The following TRPM2 variants were observed in gnomAD, a reference collection of about 807,000 sequenced individuals.
The protein encoded by TRPM2 is estrogen-responsive element-associated gene 1 protein.
Under a neutral mutation model 174.0 loss-of-function variants are expected in TRPM2, and 161 were observed. The ratio of observed to expected loss-of-function variants is 0.93; its 90% CI spans 0.81 to 1.05. The LOEUF (loss-of-function observed/expected upper bound fraction) is 1.05. Among genes scored for constraint, TRPM2 ranks in the 50% least tolerant of loss-of-function variants. TRPM2 has a pLI of 0.00. For missense variants in TRPM2, 2,057 were observed against 2,038.0 expected (o/e 1.01, Z -0.18); for synonymous variants, 954 against 861.3 (o/e 1.11, Z -1.88).
chr21:44,387,424 T>G (rs1441294379), intron 9 of TRPM2, among the ~76,000 whole-genome samples: 1 of 152,184 alleles, frequency 6.6e-6, no homozygotes, highest in African/African-American at 2.4e-5. Flanking sequence ...CAAGGACTTC[T>G]GAATATAAGA....
intron 22 of TRPM2, among the ~76,000 whole-genome samples, chr21:44,420,128 C>T (rs201290477): frequency 6.6e-6 from 1 of 152,238 alleles, no homozygotes; most frequent in East Asian, 1.9e-4. Context: ...TGAGTCTGGG[C>T]ATGATGACTT....
At position 44,354,604 on chromosome 21, in the gene TRPM2, C is replaced by T. The variant is rs377326463; in HGVS notation, c.166-44C>T. On this transcript the variant is annotated intron_variant, in intron 1 of 31. Coordinates refer to ENST00000397928, the MANE Select transcript of TRPM2 (RefSeq NM_003307.4). This position sits in a 1 kb window ranked among gnomAD's most constrained non-coding sequence, Gnocchi z 4.3. Reference sequence around the variant, plus strand: ...GTGTCTCCAGGGGGCTGGGTGTGCTCTTTCGAATGTTGGAAGATCTCAGTG... The same window carrying T: ...GTGTCTCCAGGGGGCTGGGTGTGCTTTTTCGAATGTTGGAAGATCTCAGTG... 3.4e-5 allele frequency: 54 copies of T among 1,572,244 alleles called. No individual in the cohort carries two copies. Among genetic ancestry groups the T allele is most frequent in the Middle Eastern group, 1.7e-4 (1 of 5,998 alleles).
chr21:44,422,097 G>A (rs182521972), intron 22 of TRPM2, among the ~76,000 whole-genome samples: 56 of 152,306 alleles, frequency 3.7e-4, no homozygotes, highest in East Asian at 1.2e-3. Context: ...TGCAGAACAC[G>A]GGCTCCAGGG....
In TRPM2 at chr21:44,391,495, G is replaced by A. The variant is rs762386651; in HGVS notation, c.1664G>A (p.Arg555His). The change falls in exon 11 of 32, where the codon CGC becomes CAC. Residue 555 changes from arginine (R) to histidine (H), a missense_variant. Transcript: ENST00000397928. This position sits in a 1 kb window ranked among gnomAD's most constrained non-coding sequence, Gnocchi z 5.0. Reference sequence around the variant, plus strand: ...CCGGCTTGCGCGCCCGCGGCGCCCCGCCTGCAGATGCACCACGTGGCCCAG... The same window carrying A: ...CCGGCTTGCGCGCCCGCGGCGCCCCACCTGCAGATGCACCACGTGGCCCAG... Reference protein sequence around the residue: ...ERPACAPAAPRLQMHHVAQVL... With the variant: ...ERPACAPAAPHLQMHHVAQVL... The A allele has an allele frequency of 3.1e-6, 5 of 1,610,584 alleles. No individual in the cohort carries two copies. Among genetic ancestry groups the A allele is most frequent in the Non-Finnish European group, 2.5e-6 (3 of 1,179,354 alleles).
intron 22 of TRPM2, among the ~76,000 whole-genome samples, chr21:44,420,233 T>G (rs967417864): frequency 6.6e-6 from 1 of 152,116 alleles, no homozygotes; most frequent in East Asian, 1.9e-4. Flanking sequence ...CTCACTTCAT[T>G]GGAGGGCCTT....
At chr21:44,398,206 G>GTTTTTTTTTTT (rs34051764) in intron 13 of TRPM2, among the ~76,000 whole-genome samples, 2 of 144,732 alleles carry the variant, frequency 1.4e-5, no homozygotes, top group African/African-American at 5.3e-5. Flanking sequence ...TTTGGAGACT[G>GTTTTTTTTTTT]TTTTTTTTTT....
intron 27 of TRPM2, 135 bp from the exon 28 acceptor site, chr21:44,434,996 C>G: frequency 1.2e-6 from 1 of 802,082 alleles, no homozygotes. Flanking sequence ...CAGAGCAGGT[C>G]TCTAAAGAAG....
Position 44,395,397 on chromosome 21 carries a change from A to G in TRPM2, c.1795-17A>G, listed in dbSNP as rs910132626. On this transcript the variant is annotated splice_polypyrimidine_tract_variant and intron_variant, in intron 11 of 31. Transcript: ENST00000397928. ...CAGGCGGCCCGGCTGGGGCTCTGAC[A>G]GTTCACTGCTCACCAGGTGCAGGGA... is the stretch of plus-strand genomic sequence containing the variant. 3.1e-6 allele frequency: 5 copies of G among 1,611,880 alleles called. 1 individual carries two copies. The African/African-American group carries it at 6.7e-5, about 22-fold the overall frequency.
chr21:44,437,440 C>T (rs150223191), intron 29 of TRPM2, among the ~76,000 whole-genome samples: 20 of 152,278 alleles, frequency 1.3e-4, no homozygotes, highest in African/African-American at 4.1e-4. Context: ...GGCTGGGCTG[C>T]GGCTGGAGGC....
chr21:44,422,018 G>T (rs2050568360), intron 22 of TRPM2, among the ~76,000 whole-genome samples: 1 of 152,250 alleles, frequency 6.6e-6, no homozygotes, highest in South Asian at 2.1e-4. Flanking sequence ...ACTCCCATTG[G>T]TCAGCAGCTC....
intron 19 of TRPM2, among the ~76,000 whole-genome samples, chr21:44,412,132 C>T (rs181223964): frequency 1.3e-5 from 2 of 152,218 alleles, no homozygotes; most frequent in African/African-American, 4.8e-5. Flanking sequence ...GAAGTAGTTC[C>T]TCCTCTTATA....
chr21:44,412,809 T>C (rs1336283009), intron 19 of TRPM2, among the ~76,000 whole-genome samples: 5 of 152,024 alleles, frequency 3.3e-5, no homozygotes, highest in Non-Finnish European at 7.4e-5. Context: ...CAGTGGGAAG[T>C]TACGTTAATA....
In TRPM2 at chr21:44,438,924, A is replaced by C; in HGVS notation, c.4168-143A>C. The C allele has an allele frequency of 1.6e-6, 1 of 618,982 alleles. No homozygotes were observed. Among genetic ancestry groups the C allele is most frequent in the Non-Finnish European group, 2.8e-6 (1 of 353,624 alleles). The allele number at this position is 618,982 out of a possible 1,614,324, so 38.3% of individuals were successfully genotyped here. On this transcript the variant is annotated intron_variant, in intron 29 of 31. Coordinates refer to ENST00000397928, the MANE Select transcript of TRPM2 (RefSeq NM_003307.4). The surrounding 1 kb of genome is among the most constrained non-coding windows in gnomAD (Gnocchi z 5.9). Reference sequence around the variant, plus strand: ...GGCGGGTTCTGGGCAATGTCACTGCAGCCTGAGATGCCGCCTGCCTGTGGC... The same window carrying C: ...GGCGGGTTCTGGGCAATGTCACTGCCGCCTGAGATGCCGCCTGCCTGTGGC...
At chr21:44,397,316 C>T (rs549002603) in intron 12 of TRPM2, among the ~76,000 whole-genome samples, 2 of 152,144 alleles carry the variant, frequency 1.3e-5, no homozygotes, top group East Asian at 1.9e-4. Flanking sequence ...GGATTACAGG[C>T]GTAAGCCACT....
At chr21:44,359,022 C>T (rs75520943) in intron 2 of TRPM2, among the ~76,000 whole-genome samples, 3,241 of 151,094 alleles carry the variant, frequency 0.021, 77 homozygotes, top group Non-Finnish European at 0.035. Flanking sequence ...TGTCCCCGCC[C>T]GTGTCCTGCT....
At chr21:44,431,529 G>A (rs898805099) in intron 27 of TRPM2, among the ~76,000 whole-genome samples, 1 of 152,104 alleles carries the variant, frequency 6.6e-6, no homozygotes, top group Non-Finnish European at 1.5e-5. Flanking sequence ...GAGTGCAGTG[G>A]TGCGATCTTG....
chr21:44,425,168 C>G, intron 24 of TRPM2: 1 of 543,554 alleles, frequency 1.8e-6, no homozygotes. Flanking sequence ...TGGACGTCCA[C>G]GGGGAGGCCT....
At chr21:44,411,236 G>T (rs991186896) in intron 19 of TRPM2, among the ~76,000 whole-genome samples, 1 of 152,132 alleles carries the variant, frequency 6.6e-6, no homozygotes. Flanking sequence ...GTGAACATGG[G>T]ATGTCTTTTT....
Position 44,426,853 on chromosome 21 carries a change from G to T in TRPM2, c.3872+117G>T, listed in dbSNP as rs947992145. On this transcript the variant is annotated intron_variant, in intron 26 of 31. Transcript: ENST00000397928. ...GGGGAGGTCCAGGTGAGCAGGAGGG[G>T]CCCGTGGGGGCCTGAAGGGGCCCAG... 5 of 1,387,856 alleles carry T rather than the reference G, an allele frequency of 3.6e-6. No homozygotes were observed. In the Admixed American group the frequency reaches 9.5e-5, roughly 26 times the overall value. The allele number at this position is 1,387,856 out of a possible 1,614,324, so 86.0% of individuals were successfully genotyped here.
Sources: allele counts gnomAD v4.1 joint callset (sites outside exome capture counted in the v4.1 genomes callset), GRCh38; gene constraint gnomAD v4.1.1; non-coding constraint Gnocchi (gnomAD v3.1); transcripts MANE v1.5; gene names NCBI Gene and HGNC (gene_info 2026-07-23, HGNC 2026-07-21).